Variants in SLA2 observed in about 807,000 individuals in gnomAD.
The protein encoded by SLA2 is Src like adaptor 2.
In SLA2, 22 loss-of-function variants were observed where a neutral mutation model predicts 27.3. The ratio of observed to expected loss-of-function variants is 0.81; its 90% CI spans 0.58 to 1.15. The LOEUF (loss-of-function observed/expected upper bound fraction) is 1.15. SLA2 is among the 50% of genes most tolerant of loss of function. The pLI is 0.00. For missense variants in SLA2, 304 were observed against 322.2 expected (o/e 0.94, Z 0.43); for synonymous variants, 131 against 137.8 (o/e 0.95, Z 0.34).
At chr20:36,626,389 TA>T (rs1406502143) in intron 5 of SLA2, among the ~76,000 whole-genome samples, 192 of 133,728 alleles carry the variant, frequency 1.4e-3, no homozygotes, top group Middle Eastern at 7.8e-3. Flanking sequence ...AGACTCCGTC[TA>T]AAAAAAAAAA....
At chr20:36,625,216 ATTTTTTT>A (rs71186005) in intron 5 of SLA2, among the ~76,000 whole-genome samples, 5 of 78,498 alleles carry the variant, frequency 6.4e-5, no homozygotes, top group African/African-American at 1.6e-4. Flanking sequence ...ACGTACCCTG[ATTTTTTT>A]TTTTTTTTTT....
intron 5 of SLA2, among the ~76,000 whole-genome samples, chr20:36,619,220 GAAAAAAAAAAAAAAAAAA>G (rs60021707): frequency 1.4e-5 from 1 of 71,264 alleles, no homozygotes; most frequent in African/African-American, 4.9e-5. Flanking sequence ...GACTCTGGGG[GAAAAAAAAAAAAAAAAAA>G]AAAAAGGCTG....
chr20:36,639,098 G>A (rs539809407), intron 2 of SLA2, among the ~76,000 whole-genome samples: 41 of 152,138 alleles, frequency 2.7e-4, no homozygotes, highest in African/African-American at 8.9e-4. Context: ...TGCCCGCCTC[G>A]GCCTCCCAAA....
chr20:36,614,289 G>A lies in SLA2; in HGVS notation c.665+16C>T, dbSNP rs928419702. ...CTTGGTCCTGCTTTCATGTTTCCAG[G>A]AGTCCCCAACTTTACCTGTCCAGCT... On this transcript the variant is annotated intron_variant, in intron 7 of 7. Coordinates refer to ENST00000262866, the MANE Select transcript of SLA2 (RefSeq NM_032214.4). The A allele has an allele frequency of 1.5e-5, 25 of 1,614,026 alleles. No homozygotes were observed. Among genetic ancestry groups the A allele is most frequent in the Non-Finnish European group, 2.0e-5 (24 of 1,180,032 alleles).
chr20:36,614,305 C>T lies in SLA2; in HGVS notation c.665G>A (p.Ser222Asn). Residue 222 changes from serine to asparagine, a missense_variant and splice_region_variant, in exon 7 of 8, where the codon AGC (serine) becomes AAC (asparagine). Physicochemically the swap from Ser to Asn is conservative, Grantham distance 46. Transcript: ENST00000262866. The stretch of plus-strand genomic sequence containing the variant: ...TGTTTCCAGGAGTCCCCAACTTTAC[C>T]TGTCCAGCTCTTTCCAGTTGAGTGG... ...RTPLNWKELDSSLLFSEAATG... is the reference protein window; with the variant it reads ...RTPLNWKELDNSLLFSEAATG... 7 of 1,614,180 alleles carry T rather than the reference C, an allele frequency of 4.3e-6. No individual in the cohort carries two copies. The highest frequency in any genetic ancestry group is 1.1e-5 in the South Asian group (1 of 91,090).
chr20:36,637,845 T>A (rs1163738916), intron 2 of SLA2, among the ~76,000 whole-genome samples: 1 of 150,536 alleles, frequency 6.6e-6, no homozygotes, highest in Non-Finnish European at 1.5e-5. Flanking sequence ...TCCAGGTTGA[T>A]CTCGAACTCT....
At position 36,633,577 on chromosome 20, in the gene SLA2, T is replaced by A; in HGVS notation, c.244A>T (p.Ile82Phe). The A allele has an allele frequency of 6.2e-7, 1 of 1,614,058 alleles. No individual in the cohort carries two copies. Among genetic ancestry groups the A allele is most frequent in the Non-Finnish European group, 8.5e-7 (1 of 1,179,984 alleles). ...ACTTTGGCCACGTGGACGCTGGGGA[T>A]GTTATACTCTCTGCCTGAGACTTCA... The part of the protein sequence containing the change: ...LSEVSGREYN[I>F]PSVHVAKVSH... The change falls in exon 4 of 8, where the codon ATC (isoleucine) becomes TTC (phenylalanine). Residue 82 changes from isoleucine to phenylalanine, a missense_variant. Transcript: ENST00000262866.
In SLA2 at chr20:36,615,277, G is replaced by C. The variant is rs200310862; in HGVS notation, c.480C>G (p.Ile160Met). The C allele has an allele frequency of 3.2e-4, 519 of 1,614,144 alleles. 1 individual carries two copies. The East Asian group carries it at 5.7e-3, about 18-fold the overall frequency. ...GTGAGGGGAAGGTGAGGCGCGGTGA[G>C]ATGTACAGCCAGCCATTGTCAAGGC... ...IHCLDNGWLY[I>M]SPRLTFPSLQ... Residue 160 changes from isoleucine (I) to methionine (M), a missense_variant, in exon 6 of 8, where the codon ATC (isoleucine) becomes ATG (methionine). Physicochemically the swap from Ile to Met is conservative, Grantham distance 10. Coordinates refer to ENST00000262866, the MANE Select transcript of SLA2 (RefSeq NM_032214.4).
At chr20:36,644,868 G>GTT (rs3066378) in intron 1 of SLA2, among the ~76,000 whole-genome samples, 8 of 80,642 alleles carry the variant, frequency 9.9e-5, no homozygotes, top group Admixed American at 1.5e-4. Flanking sequence ...AGAATATTGT[G>GTT]TTTTTTTTTT....
rs528226089 is a variant in SLA2 at position 36,615,445 on chromosome 20, G to A, written c.383-71C>T. The A allele has an allele frequency of 3.8e-5, 61 of 1,593,680 alleles. 1 individual carries two copies. In the South Asian group the frequency reaches 5.3e-4, roughly 14 times the overall value. The stretch of plus-strand genomic sequence containing the variant: ...CTCGGCCCCACCTAGGCTGGGAAAC[G>A]AAGATAGGCAACGTGACCATGGGGC... On this transcript the variant is annotated intron_variant, in intron 5 of 7. Transcript: ENST00000262866.
At chr20:36,617,107 C>T (rs922712949) in intron 5 of SLA2, among the ~76,000 whole-genome samples, 9 of 151,848 alleles carry the variant, frequency 5.9e-5, no homozygotes, top group Admixed American at 1.3e-4. Context: ...CCTGTAATCC[C>T]GGCACTTTGG....
chr20:36,613,494 C>G lies in SLA2; in HGVS notation c.*372G>C, dbSNP rs41311049. 0.013 allele frequency: 2,289 copies of G among 173,936 alleles called. 39 individuals carry two copies. Among genetic ancestry groups the G allele is most frequent in the African/African-American group, 0.035 (1,467 of 42,210 alleles). The allele number at this position is 173,936 out of a possible 1,614,324, so 10.8% of individuals were successfully genotyped here. A position where few individuals can be genotyped will look rare whatever the true frequency, so the allele number is the denominator to read the frequency against. ...GTTGTTTCTACCTTGTGGGTGGGGC[C>G]TGGTTAATGGTGGGGATGTAGAATG... On this transcript the variant is annotated 3_prime_UTR_variant, in exon 8 of 8. Coordinates refer to ENST00000262866, the MANE Select transcript of SLA2 (RefSeq NM_032214.4).
At chr20:36,617,874 G>C (rs537720314) in intron 5 of SLA2, among the ~76,000 whole-genome samples, 1 of 151,446 alleles carries the variant, frequency 6.6e-6, no homozygotes, top group Non-Finnish European at 1.5e-5. Flanking sequence ...TAGTCCAGGC[G>C]CAGTGGCTCA....
At chr20:36,645,725 G>A (rs1385555202) in intron 1 of SLA2, 112 bp downstream of exon 1, 1 of 152,192 alleles carries the variant, frequency 6.6e-6, no homozygotes, top group Non-Finnish European at 1.5e-5. Context: ...CCTTCTCCTT[G>A]AGCTTGTTTT....
chr20:36,623,901 A>G (rs1192406610), intron 5 of SLA2, among the ~76,000 whole-genome samples: 1 of 152,182 alleles, frequency 6.6e-6, no homozygotes, highest in African/African-American at 2.4e-5. Flanking sequence ...CAGAAGGCCA[A>G]CCAACCCAGC....
chr20:36,625,215 G>GGTTTTTTTTTT (rs1388783419), intron 5 of SLA2, among the ~76,000 whole-genome samples: 1 of 105,706 alleles, frequency 9.5e-6, no homozygotes, highest in African/African-American at 4.1e-5. Context: ...CACGTACCCT[G>GGTTTTTTTTTT]ATTTTTTTTT....
At position 36,613,996 on chromosome 20, in the gene SLA2, A is replaced by T; in HGVS notation, c.666-10T>A. 1.2e-6 allele frequency: 2 copies of T among 1,613,216 alleles called. No individual in the cohort carries two copies. Among genetic ancestry groups the T allele is most frequent in the Non-Finnish European group, 1.7e-6 (2 of 1,179,768 alleles). ...AGAAAACAGGAGGGAGCTGTGGACA[A>T]AGGAAGATAATTGGGTCAAGAAGCC... is the stretch of plus-strand genomic sequence containing the variant. On this transcript the variant is annotated splice_polypyrimidine_tract_variant and intron_variant, in intron 7 of 7. Coordinates refer to ENST00000262866, the MANE Select transcript of SLA2 (RefSeq NM_032214.4).
In SLA2 at chr20:36,640,462, T is replaced by G. The variant is rs961952290; in HGVS notation, c.91+783A>C. On this transcript the variant is annotated intron_variant, in intron 2 of 7. Transcript: ENST00000262866. ...TCTAACAAGGTGGTCACTTACTACG[T>G]GTGCTATTGAGCACTTAAAATGTGG... is the stretch of plus-strand genomic sequence containing the variant. Among the ~76,000 whole-genome samples, 3 of 151,984 alleles carry G rather than the reference T, an allele frequency of 2.0e-5. No individual in the cohort carries two copies. In the East Asian group the frequency reaches 5.8e-4, roughly 29 times the overall value.
chr20:36,641,479 T>C (rs540853865), intron 1 of SLA2, 101 bp from the exon 2 acceptor site: 1 of 623,274 alleles, frequency 1.6e-6, no homozygotes, highest in East Asian at 2.9e-5. Context: ...TCACAGAGCA[T>C]GTGAATGACC....
Sources: allele counts gnomAD v4.1 joint callset (sites outside exome capture counted in the v4.1 genomes callset), GRCh38; gene constraint gnomAD v4.1.1; transcripts MANE v1.5; gene names NCBI Gene and HGNC (gene_info 2026-07-23, HGNC 2026-07-21).